CAPZB: variants seen among roughly 807,000 people sequenced by gnomAD.
CAPZB encodes the protein F-actin-capping protein subunit beta.
CAPZB carries 2 observed loss-of-function variants against 38.1 expected under a neutral mutation model. The observed-to-expected ratio is 0.05, with a 90% CI of 0.02 to 0.17. The LOEUF (loss-of-function observed/expected upper bound fraction) is 0.17, where lower values mean the gene tolerates loss of function less well. CAPZB is among the 10% of genes least tolerant of loss of function. The pLI is 1.00. For missense variants in CAPZB, 161 were observed against 334.2 expected (o/e 0.48, Z 4.04); for synonymous variants, 107 against 127.4 (o/e 0.84, Z 1.08).
intron 6 of CAPZB, among the ~76,000 whole-genome samples, chr1:19,349,549 A>G (rs1008848098): frequency 8.5e-5 from 13 of 152,252 alleles, no homozygotes; most frequent in African/African-American, 2.6e-4. Context: ...TCACATCAGC[A>G]ATTTGGCCTC....
At chr1:19,350,876 C>T (rs1399505545) in intron 6 of CAPZB, among the ~76,000 whole-genome samples, 1 of 152,188 alleles carries the variant, frequency 6.6e-6, no homozygotes, top group African/African-American at 2.4e-5. Context: ...CCTTGGCCTC[C>T]CAGTGTTGGG....
intron 6 of CAPZB, among the ~76,000 whole-genome samples, chr1:19,349,029 G>GAA (rs1491159847): frequency 6.6e-6 from 1 of 152,122 alleles, no homozygotes; most frequent in Non-Finnish European, 1.5e-5. Flanking sequence ...CCATGAGCTT[G>GAA]AGAGTCACAG....
intron 1 of CAPZB, among the ~76,000 whole-genome samples, chr1:19,475,522 GAGC>G (rs1316388473): frequency 6.6e-5 from 10 of 152,216 alleles, no homozygotes; most frequent in Admixed American, 6.5e-4. Context: ...GGGCAGTCCT[GAGC>G]AGCAGAACCG....
At chr1:19,389,291 G>A (rs547584909) in intron 2 of CAPZB, among the ~76,000 whole-genome samples, 10 of 152,222 alleles carry the variant, frequency 6.6e-5, no homozygotes, top group Admixed American at 2.0e-4. Context: ...GAACATGCAC[G>A]TGCATTCCCC....
intron 2 of CAPZB, among the ~76,000 whole-genome samples, chr1:19,391,397 G>C (rs1314865381): frequency 1.3e-5 from 2 of 152,116 alleles, no homozygotes; most frequent in Non-Finnish European, 2.9e-5. Context: ...CTTTTGATCT[G>C]CCTGTTGGCC....
chr1:19,408,573 C>A (rs1212184512), intron 2 of CAPZB, among the ~76,000 whole-genome samples: 1 of 152,176 alleles, frequency 6.6e-6, no homozygotes, highest in Non-Finnish European at 1.5e-5. Context: ...AGCTCATAGG[C>A]CTGAGAGAAA....
chr1:19,440,790 G>A (rs1267608826), intron 1 of CAPZB, among the ~76,000 whole-genome samples: 1 of 152,222 alleles, frequency 6.6e-6, no homozygotes, highest in African/African-American at 2.4e-5. Context: ...GCCGGGCGCG[G>A]TGGCTCACGC....
intron 1 of CAPZB, among the ~76,000 whole-genome samples, chr1:19,463,201 C>T (rs1009739597): frequency 5.9e-5 from 9 of 152,162 alleles, no homozygotes; most frequent in East Asian, 1.9e-4. Context: ...TAGGTGGCTG[C>T]GCGGGTCTAC....
chr1:19,469,285 G>A (rs547467996), intron 1 of CAPZB, among the ~76,000 whole-genome samples: 6 of 152,248 alleles, frequency 3.9e-5, no homozygotes, highest in South Asian at 2.1e-4. Flanking sequence ...CATCTTTTAC[G>A]GCAGTAGATG....
intron 6 of CAPZB, 43 bp from the exon 7 acceptor site, chr1:19,345,295 T>C (rs950264927): frequency 6.5e-7 from 1 of 1,548,934 alleles, no homozygotes. Flanking sequence ...AAGCCAGAGA[T>C]TTCTGAGAAC....
chr1:19,408,066 C>G (rs181299773), intron 2 of CAPZB, among the ~76,000 whole-genome samples: 1 of 152,212 alleles, frequency 6.6e-6, no homozygotes, highest in African/African-American at 2.4e-5. Flanking sequence ...AATGGAGGGC[C>G]TCTTAATCTC....
chr1:19,386,509 G>A (rs921534845), intron 2 of CAPZB, among the ~76,000 whole-genome samples: 1 of 152,218 alleles, frequency 6.6e-6, no homozygotes, highest in Non-Finnish European at 1.5e-5. Flanking sequence ...TACCAGGAAA[G>A]TGCCTGCCAG....
Position 19,345,219 on chromosome 1 carries a change from G to A in CAPZB, c.622C>T (p.Pro208Ser). ...AGGCGCCCGATGTTGGCTATGTGTG[G>A]GGAGCAGTCACTCACAGTTTCATCC... is the stretch of plus-strand genomic sequence containing the variant. ...EKDETVSDCS[P>S]HIANIGRLVE... Residue 208 changes from proline (P) to serine (S), a missense_variant, in exon 7 of 9, where the codon CCA (proline) becomes TCA (serine). Pro to Ser is a moderately conservative substitution (Grantham distance 74). Coordinates refer to ENST00000264202, the MANE Select transcript of CAPZB (RefSeq NM_004930.5). The A allele has an allele frequency of 6.2e-7, 1 of 1,613,964 alleles. No homozygotes were observed. Among genetic ancestry groups the A allele is most frequent in the Non-Finnish European group, 8.5e-7 (1 of 1,179,888 alleles).
At chr1:19,484,457 C>T (rs2094643441) in intron 1 of CAPZB, 3 of 1,473,644 alleles carry the variant, frequency 2.0e-6, no homozygotes, top group Non-Finnish European at 2.7e-6. Context: ...GCACGCACAG[C>T]ACCCACGGCG....
At position 19,399,563 on chromosome 1, in the gene CAPZB, C is replaced by T. The variant is rs149454232; in HGVS notation, c.94-13937G>A. Among the ~76,000 whole-genome samples, 532 of 152,258 alleles carry T rather than the reference C, an allele frequency of 3.5e-3. 5 individuals are homozygous for T. Among genetic ancestry groups the T allele is most frequent in the African/African-American group, 0.012 (509 of 41,538 alleles). ...AGTCAGAGCTGGTTCTGCCATGAAA[C>T]GGTGCTACATGGGGCATGGGCCACA... is the stretch of plus-strand genomic sequence containing the variant. On this transcript the variant is annotated intron_variant, in intron 2 of 8. Transcript: ENST00000264202.
intron 1 of CAPZB, among the ~76,000 whole-genome samples, chr1:19,460,295 G>A (rs1263798572): frequency 1.3e-5 from 2 of 152,326 alleles, no homozygotes; most frequent in Middle Eastern, 3.4e-3. Flanking sequence ...GTTTTTTTAT[G>A]AGACGGAGTC....
At chr1:19,398,812 CAG>C (rs2094287196) in intron 2 of CAPZB, among the ~76,000 whole-genome samples, 1 of 151,154 alleles carries the variant, frequency 6.6e-6, no homozygotes, top group African/African-American at 2.4e-5. Context: ...AAGGTGCAGA[CAG>C]AGAGCATCTC....
chr1:19,416,774 A>C (rs2094381056), intron 2 of CAPZB, among the ~76,000 whole-genome samples: 1 of 146,164 alleles, frequency 6.8e-6, no homozygotes, highest in East Asian at 2.0e-4. Context: ...GCAGAAGATC[A>C]TTTGAGCCCA....
intron 1 of CAPZB, among the ~76,000 whole-genome samples, chr1:19,479,727 G>C (rs986611466): frequency 3.9e-5 from 6 of 152,060 alleles, no homozygotes; most frequent in Non-Finnish European, 8.8e-5. Flanking sequence ...CACAGCCAGA[G>C]GGCTCTTCCT....
Sources: gnomAD v4.1 joint callset for allele counts (sites outside exome capture counted in the v4.1 genomes callset) on GRCh38, gnomAD v4.1.1 for gene constraint, MANE v1.5 for transcripts, NCBI Gene and HGNC (gene_info 2026-07-23, HGNC 2026-07-21) for gene names.